VPS52: variants seen among roughly 807,000 people sequenced by gnomAD.
The protein encoded by VPS52 is vacuolar protein sorting-associated protein 52 homolog.
Under a neutral mutation model 98.7 loss-of-function variants are expected in VPS52, and 56 were observed. That is an observed-to-expected ratio of 0.57 (90% confidence interval 0.46 to 0.71). VPS52 has a LOEUF of 0.71. Ranked by LOEUF, VPS52 falls within the 30% of genes least tolerant of loss-of-function variation. The probability of loss-of-function intolerance (pLI) is 0.00; values close to 1 mark genes in which losing one functional copy is unlikely to be tolerated. For missense variants in VPS52, 742 were observed against 925.9 expected (o/e 0.80, Z 2.58); for synonymous variants, 348 against 346.4 (o/e 1.00, Z -0.05).
chr6:33,264,575 G>A lies in VPS52; in HGVS notation c.1401-78C>T, dbSNP rs983531248. The A allele has an allele frequency of 3.1e-6, 5 of 1,591,758 alleles. No homozygotes were observed. The African/African-American group carries it at 6.7e-5, about 21-fold the overall frequency. Reference sequence around the variant, plus strand: ...ATGGGAGGGAGTGGGGCATCATTCAGTTTAATGGTCAATAGCTAGTTGTGG... The same window carrying A: ...ATGGGAGGGAGTGGGGCATCATTCAATTTAATGGTCAATAGCTAGTTGTGG... On this transcript the variant is annotated intron_variant, in intron 13 of 19. Transcript: ENST00000445902.
Position 33,269,579 on chromosome 6 carries a change from G to A in VPS52, c.305-22C>T, listed in dbSNP as rs114527741. The stretch of plus-strand genomic sequence containing the variant: ...ATATCTGATCCACAAAAAGTCAAGG[G>A]GCCTCATGGTGAAGATGGGAGATCC... On this transcript the variant is annotated intron_variant, in intron 4 of 19. Coordinates refer to ENST00000445902, the MANE Select transcript of VPS52 (RefSeq NM_022553.6). 15,287 of 1,602,968 alleles carry A rather than the reference G, an allele frequency of 9.5e-3. 124 individuals are homozygous for A. Among genetic ancestry groups the A allele is most frequent in the Middle Eastern group, 0.028 (169 of 5,986 alleles).
At chr6:33,263,631 G>T in intron 16 of VPS52, 82 bp from the exon 17 acceptor site, 1 of 1,586,686 alleles carries the variant, frequency 6.3e-7, no homozygotes, top group Non-Finnish European at 8.6e-7. Context: ...CACACTTATT[G>T]TACTAAGCTG....
chr6:33,267,264 C>T lies in VPS52; in HGVS notation c.1049G>A (p.Arg350His), dbSNP rs768171623. The T allele has an allele frequency of 3.7e-6, 6 of 1,605,230 alleles. No individual in the cohort carries two copies. Among genetic ancestry groups the T allele is most frequent in the Non-Finnish European group, 4.3e-6 (5 of 1,176,200 alleles). The change falls in exon 11 of 20, where the codon CGC becomes CAC. Residue 350 changes from arginine to histidine, a missense_variant. Around this residue, in one of 2 missense-constraint regions of VPS52, gnomAD observed 590 missense variants for 793.3 expected, o/e 0.74. Coordinates refer to ENST00000445902, the MANE Select transcript of VPS52 (RefSeq NM_022553.6). The surrounding 1 kb of genome is among the most constrained non-coding windows in gnomAD (Gnocchi z 4.2). Reference protein sequence around the residue: ...SRNTIFTLGTRGSVISPTELE... With the variant: ...SRNTIFTLGTHGSVISPTELE... ...TTCAGTGGGGGAGATGACAGAGCCGCGGGTTCCTAGGGTGAAAATGGTGTT... is the reference window on the plus strand; with the variant it reads ...TTCAGTGGGGGAGATGACAGAGCCGTGGGTTCCTAGGGTGAAAATGGTGTT...
intron 2 of VPS52, 39 bp downstream of exon 2, chr6:33,270,160 A>C (rs1225565531): frequency 6.2e-7 from 1 of 1,612,236 alleles, no homozygotes; most frequent in Admixed American, 1.7e-5. Context: ...CATGCCTCTC[A>C]GATTACAGGT....
intron 12 of VPS52, 76 bp downstream of exon 12, chr6:33,266,481 G>C: frequency 6.9e-7 from 1 of 1,457,252 alleles, no homozygotes; most frequent in Non-Finnish European, 9.2e-7. Flanking sequence ...AGTTCTACCA[G>C]AGTCATGACC....
intron 17 of VPS52, among the ~76,000 whole-genome samples, chr6:33,260,226 T>C (rs1255313210): frequency 6.6e-6 from 1 of 152,192 alleles, no homozygotes; most frequent in East Asian, 1.9e-4. Context: ...TCTTGCTGTG[T>C]TGCCAAGGGT....
intron 17 of VPS52, among the ~76,000 whole-genome samples, chr6:33,260,104 A>G (rs1355708168): frequency 1.3e-5 from 2 of 152,252 alleles, no homozygotes; most frequent in Non-Finnish European, 2.9e-5. Context: ...TGGCAGTGAA[A>G]AGGAATGAGC....
chr6:33,266,015 G>A (rs1018743974), intron 12 of VPS52, among the ~76,000 whole-genome samples: 1 of 151,526 alleles, frequency 6.6e-6, no homozygotes, highest in Non-Finnish European at 1.5e-5. Flanking sequence ...TACAGGCCGC[G>A]CACACCTGGC....
At chr6:33,255,899 C>T (rs970327171) in intron 17 of VPS52, among the ~76,000 whole-genome samples, 2 of 152,010 alleles carry the variant, frequency 1.3e-5, no homozygotes, top group African/African-American at 2.4e-5. Context: ...ATCTCAGCAT[C>T]CCAAAGTGCT....
rs767151153 is a variant in VPS52, at chr6:33,269,510, C to T, written c.352G>A (p.Ala118Thr). 5 of 1,613,498 alleles carry T rather than the reference C, an allele frequency of 3.1e-6. No individual in the cohort carries two copies. Among genetic ancestry groups the T allele is most frequent in the Non-Finnish European group, 4.2e-6 (5 of 1,179,974 alleles). ...CTAACCTCCAGGACAGCATCACAGG[C>T]TGTGATCTGGTTGTGTAGAGATGCT... Reference protein sequence around the residue: ...NIASLHNQITACDAVLERMEQ... With the variant: ...NIASLHNQITTCDAVLERMEQ... The change falls in exon 5 of 20, where the codon GCC becomes ACC. Residue 118 changes from alanine to threonine, a missense_variant. Ala to Thr is a moderately conservative substitution (Grantham distance 58). Transcript: ENST00000445902.
Position 33,267,531 on chromosome 6 carries a change from C to T in VPS52, c.991+151G>A, listed in dbSNP as rs1434935335. The T allele has an allele frequency of 2.5e-6, 3 of 1,198,526 alleles. No individual in the cohort carries two copies. The highest frequency in any genetic ancestry group is 4.7e-5 in the East Asian group (2 of 42,748). 74.2% of individuals were successfully genotyped at this position (1,198,526 alleles called of 1,614,324 possible). A position where few individuals can be genotyped will look rare whatever the true frequency, so the allele number is the denominator to read the frequency against. On this transcript the variant is annotated intron_variant, in intron 10 of 19. Coordinates refer to ENST00000445902, the MANE Select transcript of VPS52 (RefSeq NM_022553.6). This position sits in a 1 kb window ranked among gnomAD's most constrained non-coding sequence, Gnocchi z 4.2. Reference sequence around the variant, plus strand: ...AAACTATGTGTCAAAATAATGTGTGCATCTTTCTGGGGAGGGAGGCTATAG... The same window carrying T: ...AAACTATGTGTCAAAATAATGTGTGTATCTTTCTGGGGAGGGAGGCTATAG...
chr6:33,260,839 A>G (rs551245489), intron 17 of VPS52, among the ~76,000 whole-genome samples: 3 of 152,020 alleles, frequency 2.0e-5, no homozygotes, highest in Non-Finnish European at 4.4e-5. Context: ...CATCTCTACT[A>G]AAAATACAAA....
chr6:33,264,580 A>C, intron 13 of VPS52, 83 bp from the exon 14 acceptor site: 1 of 1,585,016 alleles, frequency 6.3e-7, no homozygotes. Flanking sequence ...ATTCAGTTTA[A>C]TGGTCAATAG....
Position 33,266,586 on chromosome 6 carries a change from C to G in VPS52, c.1252G>C (p.Val418Leu). The change falls in exon 12 of 20, where the codon GTC becomes CTC. Residue 418 changes from valine (V) to leucine (L), a missense_variant. By Grantham distance (32) the Val-to-Leu change is conservative. Coordinates refer to ENST00000445902, the MANE Select transcript of VPS52 (RefSeq NM_022553.6). The part of the protein sequence containing the change: ...GPAAHDLFHA[V>L]MGRTLSMTLK... ...GTCATGCTGAGTGTACGGCCCATGA[C>G]AGCATGGAACAGGTCGTGTGCAGCT... is the stretch of plus-strand genomic sequence containing the variant. The G allele has an allele frequency of 6.2e-7, 1 of 1,611,888 alleles. No homozygotes were observed. Among genetic ancestry groups the G allele is most frequent in the Non-Finnish European group, 8.5e-7 (1 of 1,179,386 alleles).
chr6:33,263,920 G>C, intron 15 of VPS52, 41 bp from the exon 16 acceptor site: 1 of 1,613,682 alleles, frequency 6.2e-7, no homozygotes, highest in African/African-American at 1.3e-5. Flanking sequence ...AGAAAGCAAG[G>C]TCATCTGGGC....
At position 33,264,813 on chromosome 6, in the gene VPS52, C is replaced by T; in HGVS notation, c.1369G>A (p.Ala457Thr). 1 of 1,613,038 alleles carries T rather than the reference C, an allele frequency of 6.2e-7. No homozygotes were observed. Among genetic ancestry groups the T allele is most frequent in the Non-Finnish European group, 8.5e-7 (1 of 1,180,016 alleles). ...IHIVLRFRNIAAKRDVPALDR... is the reference protein window; with the variant it reads ...IHIVLRFRNITAKRDVPALDR... Reference sequence around the variant, plus strand: ...AGGGCAGGAACATCCCTCTTTGCTGCAATGTTACGGAACCGGAGAACAATG... The same window carrying T: ...AGGGCAGGAACATCCCTCTTTGCTGTAATGTTACGGAACCGGAGAACAATG... Residue 457 changes from alanine (A) to threonine (T), a missense_variant, in exon 13 of 20, where the codon GCA becomes ACA. Coordinates refer to ENST00000445902, the MANE Select transcript of VPS52 (RefSeq NM_022553.6).
In VPS52 at chr6:33,250,700, G is replaced by C. The variant is rs1244795476; in HGVS notation, c.*141C>G. ...CTTATCCTGTTGGGCAAGGTGCTGG[G>C]AGTGAAGGCAGGTAAGCCATGTCAA... is the stretch of plus-strand genomic sequence containing the variant. On this transcript the variant is annotated 3_prime_UTR_variant, in exon 20 of 20. Transcript: ENST00000445902. The C allele has an allele frequency of 4.5e-6, 5 of 1,106,132 alleles. No homozygotes were observed. Among genetic ancestry groups the C allele is most frequent in the Non-Finnish European group, 6.5e-6 (5 of 774,908 alleles). 68.5% of individuals were successfully genotyped at this position (1,106,132 alleles called of 1,614,324 possible).
chr6:33,261,385 T>G (rs923366107), intron 17 of VPS52, among the ~76,000 whole-genome samples: 3 of 151,378 alleles, frequency 2.0e-5, no homozygotes, highest in African/African-American at 7.3e-5. Flanking sequence ...GAGAATCACT[T>G]GAACCAAGGA....
At position 33,250,857 on chromosome 6, in the gene VPS52, T is replaced by A; in HGVS notation, c.2156A>T (p.His719Leu). The A allele has an allele frequency of 6.2e-7, 1 of 1,612,334 alleles. No homozygotes were observed. Among genetic ancestry groups the A allele is most frequent in the Non-Finnish European group, 8.5e-7 (1 of 1,179,480 alleles). ...TCTGGCACATCAGAAGTTGGGCTTA[T>A]GCTTCTTGAGCTCCACCATAAGGTG... ...IHHLMVELKK[H>L]KPNF The change falls in exon 20 of 20, where the codon CAT becomes CTT. Residue 719 changes from histidine (H) to leucine (L), a missense_variant. By Grantham distance (99) the His-to-Leu change is moderately conservative. Transcript: ENST00000445902.
Sources: allele counts gnomAD v4.1 joint callset (sites outside exome capture counted in the v4.1 genomes callset), GRCh38; gene constraint gnomAD v4.1.1; regional missense constraint gnomAD v4.1.1; non-coding constraint Gnocchi (gnomAD v3.1); transcripts MANE v1.5; gene names NCBI Gene and HGNC (gene_info 2026-07-23, HGNC 2026-07-21).